The following ANO2 variants were observed in gnomAD, a reference collection of about 807,000 sequenced individuals.
ANO2 encodes anoctamin-2.
A neutral mutation model predicts 124.2 loss-of-function variants in ANO2; 101 were observed. The ratio of observed to expected loss-of-function variants is 0.81; its 90% CI spans 0.69 to 0.96. ANO2 has a LOEUF of 0.96. ANO2 is among the 40% of genes least tolerant of loss of function. The probability of loss-of-function intolerance (pLI) is 0.00; values close to 1 mark genes in which losing one functional copy is unlikely to be tolerated. For synonymous variants in ANO2, 486 were observed against 482.5 expected (o/e 1.01, Z -0.09); for missense variants, 1,293 against 1,274.5 (o/e 1.01, Z -0.22).
intron 16 of ANO2, among the ~76,000 whole-genome samples, chr12:5,622,705 G>A (rs1032450889): frequency 6.6e-6 from 1 of 152,156 alleles, no homozygotes; most frequent in African/African-American, 2.4e-5. Flanking sequence ...AGGTGCAGTG[G>A]CTCATCCCAG....
At chr12:5,857,517 G>T (rs1955134287) in intron 3 of ANO2, among the ~76,000 whole-genome samples, 1 of 152,060 alleles carries the variant, frequency 6.6e-6, no homozygotes, top group East Asian at 1.9e-4. Flanking sequence ...CCTTTTCACT[G>T]CGTCCTTGCC....
chr12:5,853,884 TCCCCACC>T (rs200576156), intron 4 of ANO2, among the ~76,000 whole-genome samples, 152 bp downstream of exon 4: 1 of 32,150 alleles, frequency 3.1e-5, no homozygotes, highest in African/African-American at 1.3e-4. Flanking sequence ...CCCGTCCCCG[TCCCCACC>T]CCCCACCCCC....
intron 15 of ANO2, among the ~76,000 whole-genome samples, chr12:5,646,636 C>T (rs1946653745): frequency 6.6e-6 from 1 of 152,226 alleles, no homozygotes; most frequent in South Asian, 2.1e-4. Context: ...CTAAATTAAA[C>T]TTTCTATCAT....
intron 14 of ANO2, among the ~76,000 whole-genome samples, chr12:5,684,701 C>T (rs1404849169): frequency 6.6e-6 from 1 of 152,204 alleles, no homozygotes; most frequent in Non-Finnish European, 1.5e-5. Flanking sequence ...CACCCCTCTG[C>T]AGATGTTGCT....
At chr12:5,888,403 C>T in intron 3 of ANO2, among the ~76,000 whole-genome samples, 1 of 152,134 alleles carries the variant, frequency 6.6e-6, no homozygotes, top group East Asian at 1.9e-4. Context: ...GGGACGCCAG[C>T]GGATTGCCAC....
chr12:5,920,877 T>A (rs979233522), intron 3 of ANO2, among the ~76,000 whole-genome samples, 163 bp downstream of exon 3: 4 of 151,866 alleles, frequency 2.6e-5, no homozygotes, highest in Non-Finnish European at 5.9e-5. Context: ...AAAAAAAATT[T>A]TTTTTAAAAA....
intron 10 of ANO2, among the ~76,000 whole-genome samples, chr12:5,784,049 T>C (rs1952475076): frequency 6.6e-6 from 1 of 152,132 alleles, no homozygotes; most frequent in Non-Finnish European, 1.5e-5. Context: ...CTGCCTTACA[T>C]CCCACCCTAA....
intron 3 of ANO2, among the ~76,000 whole-genome samples, chr12:5,878,055 A>C (rs1221410758): frequency 6.6e-6 from 1 of 152,234 alleles, no homozygotes; most frequent in African/African-American, 2.4e-5. Flanking sequence ...GTCTGTTATC[A>C]GGGAATGTAC....
At chr12:5,801,647 G>A (rs118001579) in intron 9 of ANO2, among the ~76,000 whole-genome samples, 1,841 of 152,312 alleles carry the variant, frequency 0.012, 22 homozygotes, top group South Asian at 0.035. Context: ...CTGCAAAACA[G>A]GAGCAGAAAC....
chr12:5,598,208 G>A (rs1943756077), intron 20 of ANO2, among the ~76,000 whole-genome samples: 1 of 152,150 alleles, frequency 6.6e-6, no homozygotes, highest in Admixed American at 6.5e-5. Context: ...CAAGTGACTA[G>A]GTGAAGGGAG....
At chr12:5,622,716 C>T (rs538242466) in intron 16 of ANO2, among the ~76,000 whole-genome samples, 4 of 152,242 alleles carry the variant, frequency 2.6e-5, no homozygotes, top group African/African-American at 7.2e-5. Context: ...CTCATCCCAG[C>T]ACTTTGGGAG....
Position 5,672,143 on chromosome 12 carries a change from C to T in ANO2, c.1546-24342G>A, listed in dbSNP as rs540456441. 6.7e-4 allele frequency among the ~76,000 whole-genome samples: 102 copies of T among 152,284 alleles called. 1 individual carries two copies. The highest frequency in any genetic ancestry group is 1.2e-3 in the Non-Finnish European group (80 of 68,032). ...GACTCTTCAAGCCTCCATTCCCCAC[C>T]GCACCAATTCCCCACAGCACTGCCA... On this transcript the variant is annotated intron_variant, in intron 14 of 24. Transcript: ENST00000682330.
At chr12:5,877,582 C>G (rs549780162) in intron 3 of ANO2, among the ~76,000 whole-genome samples, 1 of 152,282 alleles carries the variant, frequency 6.6e-6, no homozygotes, top group East Asian at 1.9e-4. Context: ...TGATCTTGGG[C>G]AAGCTATTTA....
At chr12:5,827,197 C>T (rs759680206) in intron 7 of ANO2, among the ~76,000 whole-genome samples, 3 of 152,116 alleles carry the variant, frequency 2.0e-5, no homozygotes, top group Non-Finnish European at 4.4e-5. Flanking sequence ...ATACTTGGTC[C>T]CAAATGCTTC....
chr12:5,718,586 T>C (rs143758951), intron 14 of ANO2, among the ~76,000 whole-genome samples: 1 of 152,288 alleles, frequency 6.6e-6, no homozygotes, highest in Non-Finnish European at 1.5e-5. Context: ...GGATTAAAAT[T>C]AGTGCCAATC....
chr12:5,735,566 C>G (rs1447119956), intron 13 of ANO2, among the ~76,000 whole-genome samples: 1 of 152,150 alleles, frequency 6.6e-6, no homozygotes, highest in Non-Finnish European at 1.5e-5. Context: ...GAATGAGAAA[C>G]TAGCAGATGA....
intron 10 of ANO2, among the ~76,000 whole-genome samples, chr12:5,771,935 A>C (rs759980394): frequency 2.6e-5 from 4 of 152,224 alleles, no homozygotes; most frequent in Non-Finnish European, 5.9e-5. Flanking sequence ...GTTCATTAAT[A>C]AACAGCATGA....
intron 10 of ANO2, among the ~76,000 whole-genome samples, chr12:5,786,933 G>C (rs753978601): frequency 6.6e-6 from 1 of 152,196 alleles, no homozygotes; most frequent in Non-Finnish European, 1.5e-5. Context: ...CTTGATGAGC[G>C]CAGGCTGAGT....
intron 16 of ANO2, among the ~76,000 whole-genome samples, chr12:5,621,735 G>A (rs1273183917): frequency 3.3e-5 from 5 of 152,074 alleles, no homozygotes; most frequent in African/African-American, 1.2e-4. Flanking sequence ...GATGAGCATG[G>A]GGAAGGAGCA....
Sources: gnomAD v4.1 joint callset for allele counts (sites outside exome capture counted in the v4.1 genomes callset) on GRCh38, gnomAD v4.1.1 for gene constraint, MANE v1.5 for transcripts, NCBI Gene and HGNC (gene_info 2026-07-23, HGNC 2026-07-21) for gene names.